Variants in ZFHX3 observed in about 807,000 individuals in gnomAD.
ZFHX3 encodes zinc finger homeobox 3.
A neutral mutation model predicts 279.1 loss-of-function variants in ZFHX3; 42 were observed. The observed-to-expected ratio is 0.15, with a 90% CI of 0.12 to 0.19. The LOEUF is 0.19. ZFHX3 is among the 10% of genes least tolerant of loss of function. The pLI, the probability that ZFHX3 is intolerant of heterozygous loss-of-function variation, is 1.00. For synonymous variants in ZFHX3, 2,293 were observed against 1,957.8 expected, an observed-to-expected ratio of 1.17 and a Z score of -4.52; for missense variants, 4,981 against 4,754.0, an observed-to-expected ratio of 1.05 and a Z score of -1.40.
intron 3 of ZFHX3, among the ~76,000 whole-genome samples, chr16:73,424,941 G>C (rs140866565): frequency 5.3e-5 from 8 of 151,912 alleles, no homozygotes; most frequent in African/African-American, 1.5e-4. Flanking sequence ...TTCTTATCTG[G>C]AGCTTTCTAA....
intron 3 of ZFHX3, among the ~76,000 whole-genome samples, chr16:73,450,444 G>A (rs1480685426): frequency 6.7e-6 from 1 of 150,042 alleles, no homozygotes; most frequent in Non-Finnish European, 1.5e-5. Flanking sequence ...TAGCGGACAT[G>A]TGTCATTTTT....
At chr16:73,563,619 C>T (rs778303076) in intron 2 of ZFHX3, among the ~76,000 whole-genome samples, 1 of 152,120 alleles carries the variant, frequency 6.6e-6, no homozygotes, top group African/African-American at 2.4e-5. Context: ...CTCTGTGTTG[C>T]GTGAAACAGC....
intron 1 of ZFHX3, among the ~76,000 whole-genome samples, chr16:73,854,727 CAAAAAAAAA>C (rs60003447): frequency 6.7e-5 from 4 of 59,526 alleles, no homozygotes; most frequent in Non-Finnish European, 1.2e-4. Context: ...CCACCTTCCA[CAAAAAAAAA>C]AAAAAAAAAA....
chr16:72,923,589 T>C (rs898981966), intron 3 of ZFHX3, among the ~76,000 whole-genome samples: 2 of 152,028 alleles, frequency 1.3e-5, no homozygotes, highest in South Asian at 4.1e-4. Flanking sequence ...ACTGATATAG[T>C]TGATGCGTCT....
At chr16:73,845,733 A>G (rs1210716731) in intron 1 of ZFHX3, among the ~76,000 whole-genome samples, 3 of 152,148 alleles carry the variant, frequency 2.0e-5, no homozygotes, top group East Asian at 3.9e-4. Flanking sequence ...CTCTCAAAAT[A>G]GTGTCTTTTC....
At chr16:73,824,382 T>TTTC (rs1491286970) in intron 1 of ZFHX3, among the ~76,000 whole-genome samples, 72 of 56,756 alleles carry the variant, frequency 1.3e-3, no homozygotes, top group African/African-American at 5.9e-3. Flanking sequence ...AAATAATTTC[T>TTTC]TTTTTTTTTT....
chr16:72,790,339 A>C (rs2035646919), intron 9 of ZFHX3: 1 of 152,258 alleles, frequency 6.6e-6, no homozygotes, highest in East Asian at 1.9e-4. Context: ...GATGGTATAT[A>C]CATCTCTTCA....
intron 8 of ZFHX3, among the ~76,000 whole-genome samples, chr16:73,091,786 G>A (rs1211373033): frequency 6.6e-6 from 1 of 152,136 alleles, no homozygotes. Flanking sequence ...ATGGCCACAA[G>A]GATCACTGTA....
chr16:73,070,123 C>A (rs1965804136), intron 8 of ZFHX3, among the ~76,000 whole-genome samples: 1 of 152,200 alleles, frequency 6.6e-6, no homozygotes, highest in South Asian at 2.1e-4. Flanking sequence ...AGTCATTGTA[C>A]CTTTTTTCAA....
intron 1 of ZFHX3, among the ~76,000 whole-genome samples, chr16:73,044,722 AGCGATTCTCCT>A (rs2144711086): frequency 6.6e-6 from 1 of 152,304 alleles, no homozygotes; most frequent in Non-Finnish European, 1.5e-5. Context: ...CCCAGATTCA[AGCGATTCTCCT>A]GCCTCGGCCT....
chr16:73,087,030 G>A (rs1046600725), intron 8 of ZFHX3, among the ~76,000 whole-genome samples: 6 of 152,142 alleles, frequency 3.9e-5, no homozygotes, highest in East Asian at 1.9e-4. Flanking sequence ...TTACCCTGAT[G>A]AGATCATTAC....
At chr16:73,842,557 G>A (rs1257555395) in intron 1 of ZFHX3, among the ~76,000 whole-genome samples, 1 of 152,084 alleles carries the variant, frequency 6.6e-6, no homozygotes, top group African/African-American at 2.4e-5. Context: ...CTCCACCACA[G>A]TTCTCCTCTT....
intron 1 of ZFHX3, among the ~76,000 whole-genome samples, chr16:73,803,803 G>A (rs749360088): frequency 6.6e-6 from 1 of 152,134 alleles, no homozygotes; most frequent in Non-Finnish European, 1.5e-5. Flanking sequence ...TAAAATAAAA[G>A]GAACAATTTT....
chr16:72,907,782 CA>C (rs978381414), intron 3 of ZFHX3, among the ~76,000 whole-genome samples: 2 of 151,562 alleles, frequency 1.3e-5, no homozygotes, highest in Non-Finnish European at 2.9e-5. Flanking sequence ...GTCCCAGGCT[CA>C]AGTGATCCTC....
intron 3 of ZFHX3, among the ~76,000 whole-genome samples, chr16:73,429,828 A>C (rs774341410): frequency 2.6e-5 from 4 of 152,030 alleles, no homozygotes; most frequent in Non-Finnish European, 5.9e-5. Flanking sequence ...TCGCTCCCCC[A>C]CAGATGGCTT....
intron 5 of ZFHX3, among the ~76,000 whole-genome samples, chr16:73,221,717 C>A (rs1390844053): frequency 6.6e-6 from 1 of 152,024 alleles, no homozygotes; most frequent in Non-Finnish European, 1.5e-5. Context: ...TTTTTCTCGC[C>A]TTCTCAAAGG....
chr16:73,484,551 G>T (rs912680588), intron 2 of ZFHX3, among the ~76,000 whole-genome samples: 8 of 152,166 alleles, frequency 5.3e-5, no homozygotes, highest in African/African-American at 1.9e-4. Context: ...ATGAGTAAAT[G>T]AGGCAGAATG....
At chr16:73,395,928 T>C (rs1389778430) in intron 3 of ZFHX3, among the ~76,000 whole-genome samples, 1 of 152,236 alleles carries the variant, frequency 6.6e-6, no homozygotes, top group African/African-American at 2.4e-5. Flanking sequence ...AGTATGCTTA[T>C]ATGTACATCT....
At chr16:73,843,255 C>T (rs1281423953) in intron 1 of ZFHX3, among the ~76,000 whole-genome samples, 1 of 152,168 alleles carries the variant, frequency 6.6e-6, no homozygotes, top group Non-Finnish European at 1.5e-5. Flanking sequence ...AAGAACAAGT[C>T]AATCACGCCA....
Sources: allele counts gnomAD v4.1 joint callset (sites outside exome capture counted in the v4.1 genomes callset), GRCh38; gene constraint gnomAD v4.1.1; transcripts MANE v1.5; gene names NCBI Gene and HGNC (gene_info 2026-07-23, HGNC 2026-07-21).